The following COBL variants were observed in gnomAD, a reference collection of about 807,000 sequenced individuals.
COBL encodes the protein protein cordon-bleu.
Under a neutral mutation model 98.8 loss-of-function variants are expected in COBL, and 51 were observed. The observed-to-expected ratio is 0.52, with a 90% confidence interval of 0.41 to 0.65. COBL has a LOEUF of 0.65. Among genes scored for constraint, COBL ranks in the 30% least tolerant of loss-of-function variants. The pLI, the probability that COBL is intolerant of heterozygous loss-of-function variation, is 0.00. For missense variants in COBL, 1,617 were observed against 1,617.5 expected, an observed-to-expected ratio of 1.00 and a Z score of 0.01; for synonymous variants, 634 against 651.7, an observed-to-expected ratio of 0.97 and a Z score of 0.41.
intron 1 of COBL, among the ~76,000 whole-genome samples, chr7:51,236,680 C>A (rs1795284766): frequency 6.6e-6 from 1 of 152,154 alleles, no homozygotes; most frequent in South Asian, 2.1e-4. Flanking sequence ...TGCTACTTCC[C>A]AGCTGTCCCT....
intron 7 of COBL, among the ~76,000 whole-genome samples, chr7:51,076,618 T>C (rs1793098383): frequency 6.6e-6 from 1 of 152,274 alleles, no homozygotes; most frequent in African/African-American, 2.4e-5. Context: ...TCTCATTTTA[T>C]TTCCTTGTTT....
intron 5 of COBL, among the ~76,000 whole-genome samples, chr7:51,169,545 G>GC (rs1787652125): frequency 6.6e-6 from 1 of 152,184 alleles, no homozygotes; most frequent in South Asian, 2.1e-4. Flanking sequence ...CTTGTCATTT[G>GC]CAACAACAGG....
intron 1 of COBL, among the ~76,000 whole-genome samples, chr7:51,236,096 C>G (rs1172164609): frequency 6.6e-6 from 1 of 152,224 alleles, no homozygotes; most frequent in South Asian, 2.1e-4. Flanking sequence ...GAAACTAACG[C>G]TGACCAACAC....
intron 1 of COBL, among the ~76,000 whole-genome samples, chr7:51,230,884 GTGAA>G (rs754125201): frequency 1.3e-4 from 20 of 152,336 alleles, no homozygotes; most frequent in Admixed American, 3.3e-4. Flanking sequence ...CCTTCAGTGA[GTGAA>G]TGAATGGAGT....
chr7:51,163,051 A>G (rs191988834), intron 5 of COBL, among the ~76,000 whole-genome samples: 3 of 152,382 alleles, frequency 2.0e-5, no homozygotes, highest in Admixed American at 2.0e-4. Flanking sequence ...TATACACAAA[A>G]GGAGTGCCTC....
chr7:51,312,159 TA>T lies in COBL; in HGVS notation c.41+4433del, dbSNP rs59322709. Among the ~76,000 whole-genome samples the T allele has an allele frequency of 3.0e-3, 433 of 143,718 alleles. 3 individuals are homozygous for T. Among genetic ancestry groups the T allele is most frequent in the Middle Eastern group, 3.6e-3 (1 of 278 alleles). 94.3% of individuals were successfully genotyped at this position (143,718 alleles called of 152,430 possible). ...CAACATGGTGAAACCTCGTCTCTAT[TA>T]AAAAAAAAAAAATACAAAAATTAGC... On this transcript the variant is annotated intron_variant, in intron 1 of 12. Transcript: ENST00000265136.
intron 5 of COBL, among the ~76,000 whole-genome samples, chr7:51,176,261 GAA>G (rs1788376473): frequency 6.6e-6 from 1 of 152,012 alleles, no homozygotes; most frequent in Non-Finnish European, 1.5e-5. Flanking sequence ...TTTAAAAGAG[GAA>G]AAAATTAAAA....
intron 7 of COBL, among the ~76,000 whole-genome samples, chr7:51,077,393 T>G (rs1377133573): frequency 2.0e-5 from 3 of 152,142 alleles, no homozygotes; most frequent in African/African-American, 7.2e-5. Context: ...TGTGTGATAT[T>G]TATCAACTCA....
chr7:51,263,540 C>A (rs1019068223), intron 1 of COBL, among the ~76,000 whole-genome samples: 1 of 147,628 alleles, frequency 6.8e-6, no homozygotes, highest in African/African-American at 2.5e-5. Context: ...AAAAAAAGTT[C>A]TTTTTTTTTT....
intron 1 of COBL, among the ~76,000 whole-genome samples, chr7:51,228,977 AT>A (rs1794466123): frequency 6.6e-6 from 1 of 152,212 alleles, no homozygotes; most frequent in African/African-American, 2.4e-5. Context: ...AATGGAATAG[AT>A]CAGAGAAAAC....
chr7:51,026,162 C>T (rs1338419987), intron 11 of COBL, among the ~76,000 whole-genome samples: 2 of 152,216 alleles, frequency 1.3e-5, no homozygotes, highest in Non-Finnish European at 2.9e-5. Context: ...CAAAAACCAG[C>T]GCTATATTCA....
rs747631387 is a variant in COBL, at chr7:51,193,550, C to G, written c.285G>C (p.Gln95His). The change falls in exon 3 of 13, where the codon CAG (glutamine) becomes CAC (histidine). Residue 95 changes from glutamine (Q) to histidine (H), a missense_variant. Gln to His is a conservative substitution (Grantham distance 24). Around this residue, in one of 3 missense-constraint regions of COBL, gnomAD observed 238 missense variants for 215.0 expected, o/e 1.11. Coordinates refer to ENST00000265136, the MANE Select transcript of COBL (RefSeq NM_015198.5). Reference protein sequence around the residue: ...MMDLLVELCLQNHLNPSHHAL... With the variant: ...MMDLLVELCLHNHLNPSHHAL... ...CATGGTGGGATGGATTCAGGTGGTT[C>G]TGAAGGCAAAGTTCAACCAGTAGGT... The G allele has an allele frequency of 2.5e-6, 4 of 1,613,986 alleles. No individual in the cohort carries two copies. The highest frequency in any genetic ancestry group is 3.4e-6 in the Non-Finnish European group (4 of 1,180,034).
Position 51,193,423 on chromosome 7 carries a change from C to T in COBL, c.412G>A (p.Val138Ile). The change falls in exon 3 of 13, where the codon GTT becomes ATT. Residue 138 changes from valine to isoleucine, a missense_variant. By Grantham distance (29) the Val-to-Ile change is conservative. Transcript: ENST00000265136. ...NVHTVFLKEKVPEEKVKPGPP... is the reference protein window; with the variant it reads ...NVHTVFLKEKIPEEKVKPGPP... ...CCAGGCTTAACCTTCTCTTCAGGAA[C>T]TTTTTCTTTCAGAAACACAGTATGC... The T allele has an allele frequency of 2.5e-6, 4 of 1,614,160 alleles. No individual in the cohort carries two copies. Among genetic ancestry groups the T allele is most frequent in the Non-Finnish European group, 3.4e-6 (4 of 1,180,020 alleles).
At chr7:51,104,917 G>A (rs2128967457) in intron 6 of COBL, among the ~76,000 whole-genome samples, 1 of 152,254 alleles carries the variant, frequency 6.6e-6, no homozygotes, top group Non-Finnish European at 1.5e-5. Flanking sequence ...GCAAGTTCAT[G>A]CGTCTAGAAA....
In COBL at chr7:51,046,087, G is replaced by C. The variant is rs557367363; in HGVS notation, c.1097-2395C>G. Among the ~76,000 whole-genome samples the C allele has an allele frequency of 2.0e-5, 3 of 152,252 alleles. No individual in the cohort carries two copies. In the East Asian group the frequency reaches 5.8e-4, roughly 30 times the overall value. On this transcript the variant is annotated intron_variant, in intron 7 of 12. Transcript: ENST00000265136. ...GGGTGGGGGGGCCTGCTCTCAGGAG[G>C]TTTATCTGCGTCTAGGGAGAAGAGT...
intron 5 of COBL, among the ~76,000 whole-genome samples, chr7:51,151,252 C>T (rs193267270): frequency 3.9e-5 from 6 of 152,182 alleles, no homozygotes; most frequent in African/African-American, 9.7e-5. Flanking sequence ...GCATCACAGG[C>T]AACTAAGATC....
At chr7:51,091,997 C>T (rs1009462107) in intron 6 of COBL, among the ~76,000 whole-genome samples, 6 of 152,212 alleles carry the variant, frequency 3.9e-5, no homozygotes, top group Non-Finnish European at 8.8e-5. Context: ...AGTACCAATT[C>T]GTGGCTTGAT....
At chr7:51,291,301 C>T (rs968243869) in intron 1 of COBL, among the ~76,000 whole-genome samples, 78 of 152,256 alleles carry the variant, frequency 5.1e-4, no homozygotes, top group Admixed American at 1.8e-3. Flanking sequence ...TGAGGCCAAC[C>T]TCTGTGTCTT....
intron 2 of COBL, 73 bp from the exon 3 acceptor site, chr7:51,193,662 A>G: frequency 1.5e-6 from 2 of 1,357,856 alleles, no homozygotes; most frequent in Non-Finnish European, 1.0e-6. Flanking sequence ...AAATAAGGGT[A>G]GAACAAATGA....
Sources: allele counts gnomAD v4.1 joint callset (sites outside exome capture counted in the v4.1 genomes callset), GRCh38; gene constraint gnomAD v4.1.1; regional missense constraint gnomAD v4.1.1; transcripts MANE v1.5; gene names NCBI Gene and HGNC (gene_info 2026-07-23, HGNC 2026-07-21).